BBX: variants seen among roughly 807,000 people sequenced by gnomAD.
BBX encodes the protein HMG box transcription factor BBX.
A neutral mutation model predicts 100.2 loss-of-function variants in BBX; 30 were observed. The observed-to-expected ratio is 0.30, with a 90% CI of 0.22 to 0.41. BBX has a LOEUF of 0.41. BBX is among the 10% of genes least tolerant of loss of function. The pLI, the probability that BBX is intolerant of heterozygous loss-of-function variation, is 1.00. For missense variants in BBX, 1,023 were observed against 1,129.8 expected, an observed-to-expected ratio of 0.91 and a Z score of 1.35; for synonymous variants, 376 against 388.1, an observed-to-expected ratio of 0.97 and a Z score of 0.37.
intron 3 of BBX, chr3:107,659,770 C>A: frequency 7.8e-7 from 1 of 1,274,780 alleles, no homozygotes; most frequent in Non-Finnish European, 1.0e-6. Flanking sequence ...TTATTTTTAA[C>A]GTAAGTGTGT....
intron 2 of BBX, among the ~76,000 whole-genome samples, chr3:107,540,768 T>G (rs558829049): frequency 5.7e-4 from 87 of 152,334 alleles, no homozygotes; most frequent in African/African-American, 2.0e-3. Flanking sequence ...CCTTCTTCCC[T>G]CATCACTAAA....
intron 10 of BBX, among the ~76,000 whole-genome samples, chr3:107,768,981 G>A (rs981855456): frequency 9.8e-6 from 1 of 102,090 alleles, no homozygotes; most frequent in East Asian, 3.5e-4. Flanking sequence ...AACATAGCAA[G>A]ATGCCTATTC....
At chr3:107,784,285 GAACCAACACTACA>G (rs1416058240) in intron 13 of BBX, among the ~76,000 whole-genome samples, 2 of 151,922 alleles carry the variant, frequency 1.3e-5, no homozygotes, top group Non-Finnish European at 2.9e-5. Context: ...GAAAAGGCTG[GAACCAACACTACA>G]AACCAACTAG....
chr3:107,729,237 A>G (rs895105120), intron 6 of BBX, among the ~76,000 whole-genome samples: 10 of 152,174 alleles, frequency 6.6e-5, no homozygotes, highest in African/African-American at 2.4e-4. Context: ...AGATTGTCAG[A>G]AGCTTAGGAA....
chr3:107,648,146 A>G (rs2057634506), intron 3 of BBX, among the ~76,000 whole-genome samples: 1 of 152,194 alleles, frequency 6.6e-6, no homozygotes, highest in Non-Finnish European at 1.5e-5. Context: ...TAAAGATTCC[A>G]GGAAGTTCTT....
chr3:107,794,831 T>C (rs894486181), intron 15 of BBX, among the ~76,000 whole-genome samples: 14 of 152,152 alleles, frequency 9.2e-5, no homozygotes, highest in African/African-American at 3.4e-4. Context: ...TGGGGTACAA[T>C]ACAAGAGCAA....
At chr3:107,572,931 G>A (rs1028162283) in intron 2 of BBX, among the ~76,000 whole-genome samples, 5 of 152,078 alleles carry the variant, frequency 3.3e-5, no homozygotes, top group African/African-American at 4.8e-5. Flanking sequence ...AAAATTTTAA[G>A]TAAATTTCCA....
chr3:107,707,741 G>A (rs540916040), intron 3 of BBX, among the ~76,000 whole-genome samples: 12 of 152,282 alleles, frequency 7.9e-5, no homozygotes, highest in African/African-American at 2.9e-4. Context: ...AACCCAGAAA[G>A]AAGCCACATA....
chr3:107,572,133 C>T (rs1012122826), intron 2 of BBX, among the ~76,000 whole-genome samples: 7 of 152,180 alleles, frequency 4.6e-5, no homozygotes, highest in Admixed American at 1.3e-4. Flanking sequence ...CCAGAAAGTA[C>T]GTTACCTTCT....
In BBX at chr3:107,716,774, T is replaced by C. The variant is rs1236904236; in HGVS notation, c.330T>C (p.Ala110=). The C allele has an allele frequency of 7.4e-6, 12 of 1,613,654 alleles. No homozygotes were observed. Among genetic ancestry groups the C allele is most frequent in the Non-Finnish European group, 9.3e-6 (11 of 1,179,766 alleles). ...ACCCCAGGCTTGATAACCGAGGTGC[T>C]ACCAAGATACTAGCTGATTGGTGGG... ...QEHPRLDNRG[A]TKILADWWAV... The change falls in exon 5 of 18, where the codon GCT becomes GCC. Residue 110 remains alanine (A), a synonymous_variant. Transcript: ENST00000325805.
At chr3:107,551,378 G>A (rs938305495) in intron 2 of BBX, among the ~76,000 whole-genome samples, 2 of 152,186 alleles carry the variant, frequency 1.3e-5, no homozygotes, top group Non-Finnish European at 2.9e-5. Flanking sequence ...TTCCACGAAA[G>A]CATTTCACCC....
intron 15 of BBX, among the ~76,000 whole-genome samples, chr3:107,793,365 A>ATC (rs2069255046): frequency 6.6e-6 from 1 of 152,198 alleles, no homozygotes; most frequent in Non-Finnish European, 1.5e-5. Flanking sequence ...GAGAATATGC[A>ATC]CTGAAAAATG....
chr3:107,615,969 A>G (rs1369680735), intron 2 of BBX, among the ~76,000 whole-genome samples: 1 of 132,368 alleles, frequency 7.6e-6, no homozygotes, highest in Non-Finnish European at 1.6e-5. Context: ...CCACCCATGG[A>G]ATGAGAACCT....
intron 3 of BBX, chr3:107,657,109 G>A (rs528218315): frequency 6.6e-6 from 1 of 152,086 alleles, no homozygotes; most frequent in African/African-American, 2.4e-5. Flanking sequence ...AAATGAGATG[G>A]AACAGAAGGA....
In BBX at chr3:107,766,437, G is replaced by A. The variant is rs184192436; in HGVS notation, c.907-6191G>A. On this transcript the variant is annotated intron_variant, in intron 10 of 17. Transcript: ENST00000325805. ...TTAAGACTATTTTTAACTGTTTAGA[G>A]CTACATAAAGAAATTGGCTTTGTCT... Among the ~76,000 whole-genome samples the A allele has an allele frequency of 2.0e-5, 3 of 152,232 alleles. No individual in the cohort carries two copies. In the East Asian group the frequency reaches 5.8e-4, roughly 29 times the overall value.
At chr3:107,609,411 A>G (rs9878536) in intron 2 of BBX, among the ~76,000 whole-genome samples, 20,654 of 151,998 alleles carry the variant, frequency 0.14, 1,598 homozygotes, top group Middle Eastern at 0.2. Context: ...GAATGAGTTT[A>G]GAAGTATTCC....
At chr3:107,564,616 C>T (rs903384767) in intron 2 of BBX, among the ~76,000 whole-genome samples, 3 of 152,126 alleles carry the variant, frequency 2.0e-5, no homozygotes, top group South Asian at 2.1e-4. Flanking sequence ...GTTCCAGCCC[C>T]GTCTGTAGTC....
chr3:107,569,667 G>A (rs1186224176), intron 2 of BBX, among the ~76,000 whole-genome samples: 1 of 152,192 alleles, frequency 6.6e-6, no homozygotes, highest in Non-Finnish European at 1.5e-5. Context: ...ATAAAAGAAT[G>A]TTGTCCAAGT....
chr3:107,725,805 C>T (rs1415587094), intron 5 of BBX, among the ~76,000 whole-genome samples: 1 of 151,996 alleles, frequency 6.6e-6, no homozygotes, highest in African/African-American at 2.4e-5. Flanking sequence ...GTAGGATTCC[C>T]TTACCTCATC....
Sources: allele counts gnomAD v4.1 joint callset (sites outside exome capture counted in the v4.1 genomes callset), GRCh38; gene constraint gnomAD v4.1.1; transcripts MANE v1.5; gene names NCBI Gene and HGNC (gene_info 2026-07-23, HGNC 2026-07-21).